BCAR3: variants seen among roughly 807,000 people sequenced by gnomAD.
The protein encoded by BCAR3 is breast cancer anti-estrogen resistance protein 3.
Under a neutral mutation model 80.1 loss-of-function variants are expected in BCAR3, and 37 were observed. That is an observed-to-expected ratio of 0.46 (90% CI 0.36 to 0.61). BCAR3 has a LOEUF of 0.61. Among genes scored for constraint, BCAR3 ranks in the 20% least tolerant of loss-of-function variants. The pLI is 0.00. For synonymous variants in BCAR3, 389 were observed against 418.9 expected, an observed-to-expected ratio of 0.93 and a Z score of 0.87; for missense variants, 978 against 1,068.2, an observed-to-expected ratio of 0.92 and a Z score of 1.18.
At chr1:93,627,065 A>C (rs1009517856) in intron 3 of BCAR3, among the ~76,000 whole-genome samples, 2 of 152,260 alleles carry the variant, frequency 1.3e-5, no homozygotes, top group Admixed American at 1.3e-4. Flanking sequence ...AGTGAAAATT[A>C]GAATTTTGGA....
At chr1:93,787,188 C>T (rs1460905473) in intron 2 of BCAR3, among the ~76,000 whole-genome samples, 3 of 152,208 alleles carry the variant, frequency 2.0e-5, no homozygotes, top group East Asian at 1.9e-4. Context: ...CAATTCTCAG[C>T]TGACAGAGGC....
At chr1:93,699,288 G>A (rs1452693808) in intron 3 of BCAR3, among the ~76,000 whole-genome samples, 1 of 152,224 alleles carries the variant, frequency 6.6e-6, no homozygotes, top group Non-Finnish European at 1.5e-5. Flanking sequence ...CTTCGGGGGA[G>A]AGAAACCCAA....
chr1:93,815,810 G>A (rs1444718092), intron 2 of BCAR3, among the ~76,000 whole-genome samples: 1 of 152,180 alleles, frequency 6.6e-6, no homozygotes, highest in African/African-American at 2.4e-5. Context: ...GAGTTCTAAT[G>A]TAATTTTACA....
chr1:93,615,862 C>T (rs1436903068), intron 3 of BCAR3, among the ~76,000 whole-genome samples: 1 of 152,060 alleles, frequency 6.6e-6, no homozygotes, highest in African/African-American at 2.4e-5. Flanking sequence ...TTCCTTCAAG[C>T]TAAAAACCTC....
chr1:93,564,116 A>G (rs1672821834), intron 11 of BCAR3, among the ~76,000 whole-genome samples: 1 of 151,880 alleles, frequency 6.6e-6, no homozygotes, highest in Non-Finnish European at 1.5e-5. Context: ...TGTCATTTGT[A>G]TGCCTTCTCT....
chr1:93,679,814 A>T (rs1285591245), intron 1 of BCAR3, among the ~76,000 whole-genome samples: 1 of 152,236 alleles, frequency 6.6e-6, no homozygotes, highest in East Asian at 1.9e-4. Flanking sequence ...AGGCAGAGAT[A>T]AGCAGCCCAC....
intron 5 of BCAR3, among the ~76,000 whole-genome samples, chr1:93,587,698 C>CA (rs1491438988): frequency 8.4e-6 from 1 of 119,436 alleles, no homozygotes; most frequent in African/African-American, 4.4e-5. Context: ...TGGACCCCCC[C>CA]GCCAAAAAAA....
intron 7 of BCAR3, 50 bp from the exon 8 acceptor site, chr1:93,576,179 T>A: frequency 7.1e-7 from 1 of 1,400,206 alleles, no homozygotes; most frequent in Non-Finnish European, 1.0e-6. Flanking sequence ...TGGGCTTGCC[T>A]GATCATGAAT....
At chr1:93,724,316 G>A (rs540463729) in intron 2 of BCAR3, among the ~76,000 whole-genome samples, 8 of 152,304 alleles carry the variant, frequency 5.3e-5, no homozygotes, top group African/African-American at 7.2e-5. Context: ...ATGGACTTCC[G>A]AAAGGCTGCG....
At chr1:93,667,421 T>C (rs1392442672) in intron 2 of BCAR3, among the ~76,000 whole-genome samples, 1 of 152,238 alleles carries the variant, frequency 6.6e-6, no homozygotes, top group Non-Finnish European at 1.5e-5. Flanking sequence ...TTATTTACGC[T>C]CCCACTTTAT....
intron 2 of BCAR3, among the ~76,000 whole-genome samples, chr1:93,664,444 T>C (rs1178811285): frequency 6.6e-6 from 1 of 152,222 alleles, no homozygotes; most frequent in South Asian, 2.1e-4. Flanking sequence ...TATGAGTCAG[T>C]GTCTATCTTA....
intron 6 of BCAR3, among the ~76,000 whole-genome samples, chr1:93,583,245 A>G (rs1673793114): frequency 6.6e-6 from 1 of 152,172 alleles, no homozygotes; most frequent in Non-Finnish European, 1.5e-5. Context: ...GAAGGCTGGG[A>G]CAGTCAGAAT....
At chr1:93,826,157 T>C (rs1654367114) in intron 2 of BCAR3, among the ~76,000 whole-genome samples, 1 of 152,106 alleles carries the variant, frequency 6.6e-6, no homozygotes, top group Non-Finnish European at 1.5e-5. Context: ...ATTCTGCAAG[T>C]TCTTATTCAA....
chr1:93,593,022 A>T (rs537526267), intron 3 of BCAR3, among the ~76,000 whole-genome samples: 59 of 152,340 alleles, frequency 3.9e-4, no homozygotes, highest in African/African-American at 1.3e-3. Flanking sequence ...AGGAAAGTGA[A>T]ACAAATTTAA....
At chr1:93,647,746 T>G (rs1337278981) in intron 2 of BCAR3, among the ~76,000 whole-genome samples, 1 of 152,112 alleles carries the variant, frequency 6.6e-6, no homozygotes, top group Non-Finnish European at 1.5e-5. Context: ...AGACCAGCTG[T>G]ACGATAAAGT....
chr1:93,711,047 C>A (rs1650002934), intron 2 of BCAR3, among the ~76,000 whole-genome samples: 1 of 152,156 alleles, frequency 6.6e-6, no homozygotes, highest in Non-Finnish European at 1.5e-5. Context: ...TGGGTGTTCT[C>A]AGGATGTGGA....
chr1:93,618,565 T>G (rs1169616603), intron 3 of BCAR3, among the ~76,000 whole-genome samples: 1 of 152,232 alleles, frequency 6.6e-6, no homozygotes, highest in Non-Finnish European at 1.5e-5. Context: ...CTGTTTTGCT[T>G]TCTTACGCTA....
intron 3 of BCAR3, among the ~76,000 whole-genome samples, chr1:93,700,295 C>G (rs575882213): frequency 6.6e-6 from 1 of 152,188 alleles, no homozygotes; most frequent in East Asian, 1.9e-4. Flanking sequence ...TGAGCTCAAG[C>G]CATCCTCCCA....
chr1:93,603,546 C>T (rs759263542), intron 3 of BCAR3, among the ~76,000 whole-genome samples: 15 of 152,268 alleles, frequency 9.9e-5, no homozygotes, highest in Non-Finnish European at 1.9e-4. Flanking sequence ...TATGAGCCAG[C>T]TCCTTCAAAT....
Sources: gnomAD v4.1 joint callset for allele counts (sites outside exome capture counted in the v4.1 genomes callset) on GRCh38, gnomAD v4.1.1 for gene constraint, MANE v1.5 for transcripts, NCBI Gene and HGNC (gene_info 2026-07-23, HGNC 2026-07-21) for gene names.